Variants in ATRAID observed in about 807,000 individuals in gnomAD.
ATRAID encodes all-trans retinoic acid induced differentiation factor.
Under a neutral mutation model 28.8 loss-of-function variants are expected in ATRAID, and 26 were observed. That is an observed-to-expected ratio of 0.90 (90% CI 0.66 to 1.25). The LOEUF (loss-of-function observed/expected upper bound fraction) is 1.25. Ranked by LOEUF, ATRAID falls within the 50% of genes most tolerant of loss-of-function variation. The pLI, the probability that ATRAID is intolerant of heterozygous loss-of-function variation, is 0.00. For missense variants in ATRAID, 308 were observed against 285.9 expected (o/e 1.08, Z -0.56); for synonymous variants, 131 against 108.5 (o/e 1.21, Z -1.29).
rs1390368072 is a variant in ATRAID at position 27,215,430 on chromosome 2, T to C, written c.293+38T>C. On this transcript the variant is annotated intron_variant, in intron 3 of 6. Coordinates refer to ENST00000380171, the MANE Select transcript of ATRAID (RefSeq NM_001170795.4). ...GTACCTCCCACCCAAAAGGCTAATA[T>C]AATGTAGGTTGATGCGAAAGTGCTA... 2.5e-6 allele frequency: 4 copies of C among 1,614,078 alleles called. No homozygotes were observed. The Admixed American group carries it at 5.0e-5, about 20-fold the overall frequency.
rs776804621 is a variant in ATRAID at position 27,215,380 on chromosome 2, C to G, written c.281C>G (p.Thr94Ser). The change falls in exon 3 of 7, where the codon ACC becomes AGC. Residue 94 changes from threonine to serine, a missense_variant. By Grantham distance (58) the Thr-to-Ser change is moderately conservative. Transcript: ENST00000380171. ...GGTCCAAACTTTCATCAGGCACATACCACTGTCATCATGTAAGTAGTTAGG... is the reference window on the plus strand; with the variant it reads ...GGTCCAAACTTTCATCAGGCACATAGCACTGTCATCATGTAAGTAGTTAGG... ...DPGPNFHQAHTTVIIDLQANP... is the reference protein window; with the variant it reads ...DPGPNFHQAHSTVIIDLQANP... 4.3e-6 allele frequency: 7 copies of G among 1,614,028 alleles called. No individual in the cohort carries two copies. The highest frequency in any genetic ancestry group is 2.2e-5 in the East Asian group (1 of 44,902).
intron 5 of ATRAID, among the ~76,000 whole-genome samples, 174 bp downstream of exon 5, chr2:27,215,927 G>C (rs751629589): frequency 6.6e-6 from 1 of 152,202 alleles, no homozygotes; most frequent in African/African-American, 2.4e-5. Flanking sequence ...ACGTGTGTCC[G>C]TGTAAAGAGA....
chr2:27,215,365 T>G lies in ATRAID; in HGVS notation c.266T>G (p.Phe89Cys). ...TCTCTGGAGGACCCTGGTCCAAACT[T>G]TCATCAGGCACATACCACTGTCATC... ...NCSLEDPGPN[F>C]HQAHTTVIID... The change falls in exon 3 of 7, where the codon TTT becomes TGT. Residue 89 changes from phenylalanine (F) to cysteine (C), a missense_variant. Coordinates refer to ENST00000380171, the MANE Select transcript of ATRAID (RefSeq NM_001170795.4). 1.2e-6 allele frequency: 2 copies of G among 1,614,172 alleles called. No individual in the cohort carries two copies. Among genetic ancestry groups the G allele is most frequent in the Non-Finnish European group, 1.7e-6 (2 of 1,180,036 alleles).
chr2:27,212,800 C>T (rs1674643183), intron 1 of ATRAID: 2 of 600,534 alleles, frequency 3.3e-6, no homozygotes, highest in Non-Finnish European at 5.1e-6. Flanking sequence ...TAGGGCTGTA[C>T]TTTTGTAATG....
In ATRAID at chr2:27,217,132, C is replaced by T; in HGVS notation, c.*184C>T. 1.8e-6 allele frequency: 1 copy of T among 545,472 alleles called. No individual in the cohort carries two copies. Among genetic ancestry groups the T allele is most frequent in the Non-Finnish European group, 3.2e-6 (1 of 315,644 alleles). 33.8% of individuals were successfully genotyped at this position (545,472 alleles called of 1,614,324 possible). ...ATACCAGTTCCCATTGGTGTTGTTG[C>T]CTATAATAAACACTTTTTTCTTTTT... On this transcript the variant is annotated 3_prime_UTR_variant, in exon 7 of 7. Coordinates refer to ENST00000380171, the MANE Select transcript of ATRAID (RefSeq NM_001170795.4).
At position 27,215,492 on chromosome 2, in the gene ATRAID, C is replaced by G. The variant is rs1674787594; in HGVS notation, c.312C>G (p.Pro104=). The change falls in exon 4 of 7, where the codon CCC becomes CCG. Residue 104 remains proline (P), a synonymous_variant. Coordinates refer to ENST00000380171, the MANE Select transcript of ATRAID (RefSeq NM_001170795.4). ...TTVIIDLQAN[P]LKGDLANTFR... is the part of the protein sequence containing the mutation. ...TTTGCAGAGACCTGCAAGCAAACCC[C>G]CTCAAAGGTGACTTGGCCAACACCT... The G allele has an allele frequency of 6.2e-7, 1 of 1,614,220 alleles. No individual in the cohort carries two copies. Among genetic ancestry groups the G allele is most frequent in the East Asian group, 2.2e-5 (1 of 44,894 alleles).
chr2:27,216,604 A>G lies in ATRAID; in HGVS notation c.569A>G (p.Tyr190Cys). The change falls in exon 6 of 7, where the codon TAC becomes TGC. Residue 190 changes from tyrosine (Y) to cysteine (C), a missense_variant. Tyr to Cys is a radical substitution (Grantham distance 194). Coordinates refer to ENST00000380171, the MANE Select transcript of ATRAID (RefSeq NM_001170795.4). ...QCVCADGFHG[Y>C]KCMRQGSFSL... ...GTTTGTGCTGATGGTTTCCATGGATACAAGTGTATGCGCCAGGTGAGGAAT... is the reference window on the plus strand; with the variant it reads ...GTTTGTGCTGATGGTTTCCATGGATGCAAGTGTATGCGCCAGGTGAGGAAT... 6.2e-7 allele frequency: 1 copy of G among 1,613,958 alleles called. No individual in the cohort carries two copies. The highest frequency in any genetic ancestry group is 8.5e-7 in the Non-Finnish European group (1 of 1,179,806).
At chr2:27,212,962 A>G in intron 1 of ATRAID, 2 of 578,084 alleles carry the variant, frequency 3.5e-6, no homozygotes, top group Non-Finnish European at 6.0e-6. Flanking sequence ...TGGTACTGAA[A>G]GTGTCGGGAG....
chr2:27,215,240 G>T, intron 2 of ATRAID, 81 bp from the exon 3 acceptor site: 1 of 1,366,252 alleles, frequency 7.3e-7, no homozygotes, highest in Non-Finnish European at 1.0e-6. Flanking sequence ...TGAAAAGGGG[G>T]TTGTGTAGTC....
In ATRAID at chr2:27,212,407, G is replaced by T. The variant is rs756742309; in HGVS notation, c.39G>T (p.Val13=). The T allele has an allele frequency of 1.5e-5, 24 of 1,552,004 alleles. No homozygotes were observed. Among genetic ancestry groups the T allele is most frequent in the Non-Finnish European group, 1.9e-5 (22 of 1,148,006 alleles). ...ACCCGGGTAGTCTTACGACCCTGGT[G>T]CCCTGGGCTGCCGCCCTGCTCCTCG... ...PHDPGSLTTL[V]PWAAALLLAL... is the part of the protein sequence containing the mutation. Residue 13 remains valine (V), a synonymous_variant, in exon 1 of 7, where the codon GTG becomes GTT. Transcript: ENST00000380171.
At chr2:27,213,573 C>T (rs796253846) in intron 2 of ATRAID, 12 of 301,204 alleles carry the variant, frequency 4.0e-5, no homozygotes, top group African/African-American at 8.6e-5. Flanking sequence ...CTCTTCTTTC[C>T]TTCATCTACC....
Position 27,212,748 on chromosome 2 carries a change from GT to G in ATRAID, c.99+282del, listed in dbSNP as rs1572409213. The G allele has an allele frequency of 6.3e-6, 6 of 945,552 alleles. No individual in the cohort carries two copies. The East Asian group carries it at 2.0e-4, about 32-fold the overall frequency. The allele number at this position is 945,552 out of a possible 1,614,324, so 58.6% of individuals were successfully genotyped here. ...TCTACAGACGGGTCCTCTGCCTCTT[GT>G]GTAATCTCTCTACGCACGAACGCCA... On this transcript the variant is annotated intron_variant, in intron 1 of 6. Transcript: ENST00000380171.
At chr2:27,213,096 C>T (rs1359129988) in intron 1 of ATRAID, 81 bp from the exon 2 acceptor site, 11 of 1,547,164 alleles carry the variant, frequency 7.1e-6, no homozygotes, top group Non-Finnish European at 5.3e-6. Flanking sequence ...GAAACGTGTA[C>T]TGGCAGTTAA....
Position 27,215,697 on chromosome 2 carries a change from T to G in ATRAID, c.431T>G (p.Ile144Arg). The change falls in exon 5 of 7, where the codon ATA (isoleucine) becomes AGA (arginine). Residue 144 changes from isoleucine (I) to arginine (R), a missense_variant. Coordinates refer to ENST00000380171, the MANE Select transcript of ATRAID (RefSeq NM_001170795.4). ...GCCTGGAATACTATCACCTCTTATATAGACAACCAAATCTGTCAAGGGCAA... is the reference window on the plus strand; with the variant it reads ...GCCTGGAATACTATCACCTCTTATAGAGACAACCAAATCTGTCAAGGGCAA... ...INAWNTITSYIDNQICQGQKN... is the reference protein window; with the variant it reads ...INAWNTITSYRDNQICQGQKN... The G allele has an allele frequency of 6.2e-7, 1 of 1,614,248 alleles. No homozygotes were observed. Among genetic ancestry groups the G allele is most frequent in the Non-Finnish European group, 8.5e-7 (1 of 1,180,044 alleles).
Position 27,212,300 on chromosome 2 carries a change from C to T in ATRAID, c.-69C>T. ...CTTAGGCCACGCCCGGGGAAGAGGG[C>T]CTGACGCGCTGCGGGGCGGGGCCGC... On this transcript the variant is annotated 5_prime_UTR_variant, in exon 1 of 7. Coordinates refer to ENST00000380171, the MANE Select transcript of ATRAID (RefSeq NM_001170795.4). 1.3e-6 allele frequency: 2 copies of T among 1,550,968 alleles called. No individual in the cohort carries two copies. The highest frequency in any genetic ancestry group is 1.7e-6 in the Non-Finnish European group (2 of 1,147,018).
chr2:27,216,899 T>C lies in ATRAID; in HGVS notation c.641T>C (p.Val214Ala), dbSNP rs377190852. ...ATTCTGGGAGCCACCACTCTATCCG[T>C]CTCCATTCTGCTTTGGGCGACCCAG... ...FGILGATTLS[V>A]SILLWATQRR... Residue 214 changes from valine (V) to alanine (A), a missense_variant, in exon 7 of 7, where the codon GTC becomes GCC. By Grantham distance (64) the Val-to-Ala change is moderately conservative (BLOSUM62 0). Transcript: ENST00000380171. 6 of 1,614,034 alleles carry C rather than the reference T, an allele frequency of 3.7e-6. No individual in the cohort carries two copies. In the African/African-American group the frequency reaches 6.7e-5, roughly 18 times the overall value.
chr2:27,214,877 C>G (rs1674762388), intron 2 of ATRAID, among the ~76,000 whole-genome samples: 1 of 152,226 alleles, frequency 6.6e-6, no homozygotes, highest in Non-Finnish European at 1.5e-5. Flanking sequence ...CGTATCTGTA[C>G]TAACCAGTAC....
In ATRAID at chr2:27,212,413, G is replaced by C; in HGVS notation, c.45G>C (p.Trp15Cys). 6.4e-7 allele frequency: 1 copy of C among 1,553,556 alleles called. No individual in the cohort carries two copies. The highest frequency in any genetic ancestry group is 8.7e-7 in the Non-Finnish European group (1 of 1,148,940). Residue 15 changes from tryptophan (W) to cysteine (C), a missense_variant, in exon 1 of 7, where the codon TGG becomes TGC. Physicochemically the swap from Trp to Cys is radical, Grantham distance 215 (BLOSUM62 -2). Coordinates refer to ENST00000380171, the MANE Select transcript of ATRAID (RefSeq NM_001170795.4). The part of the protein sequence containing the change: ...DPGSLTTLVP[W>C]AAALLLALGV... ...GTAGTCTTACGACCCTGGTGCCCTG[G>C]GCTGCCGCCCTGCTCCTCGCTCTGG...
exon 7 of ATRAID, chr2:27,217,152 C>CT (rs958344934): frequency 2.0e-4 from 89 of 455,998 alleles, no homozygotes; most frequent in South Asian, 4.1e-4. Context: ...ACACTTTTTT[C>CT]TTTTTTTTTC....
Sources: gnomAD v4.1 joint callset for allele counts (sites outside exome capture counted in the v4.1 genomes callset) on GRCh38, gnomAD v4.1.1 for gene constraint, MANE v1.5 for transcripts, NCBI Gene and HGNC (gene_info 2026-07-23, HGNC 2026-07-21) for gene names.